Variants in RANBP3 observed in about 807,000 individuals in gnomAD.
RANBP3 encodes RAN binding protein 3.
Under a neutral mutation model 77.3 loss-of-function variants are expected in RANBP3, and 14 were observed. The ratio of observed to expected loss-of-function variants is 0.18; its 90% confidence interval spans 0.12 to 0.28. The LOEUF is 0.28. Among genes scored for constraint, RANBP3 ranks in the 10% least tolerant of loss-of-function variants. The pLI, the probability that RANBP3 is intolerant of heterozygous loss-of-function variation, is 1.00. For synonymous variants in RANBP3, 315 were observed against 312.4 expected (o/e 1.01, Z -0.09); for missense variants, 586 against 752.3 (o/e 0.78, Z 2.59).
rs199789131 is a variant in RANBP3, at chr19:5,957,903, G to A, written c.78+15C>T. 3.7e-6 allele frequency: 6 copies of A among 1,613,666 alleles called. No homozygotes were observed. Among genetic ancestry groups the A allele is most frequent in the South Asian group, 3.3e-5 (3 of 91,038 alleles). On this transcript the variant is annotated intron_variant, in intron 2 of 16. Coordinates refer to ENST00000340578, the MANE Select transcript of RANBP3 (RefSeq NM_007322.3). ...TAGAGTAACGAAGTGAAGAGAGAAC[G>A]TACCGGCCCCTTACCTTTTGTCCTT... is the stretch of plus-strand genomic sequence containing the variant.
chr19:5,931,655 A>G, intron 7 of RANBP3, 124 bp from the exon 8 acceptor site: 1 of 1,017,874 alleles, frequency 9.8e-7, no homozygotes. Context: ...CCCACAGCAC[A>G]TGTCTCCTTT....
In RANBP3 at chr19:5,931,026, G is replaced by C. The variant is rs576471435; in HGVS notation, c.693+378C>G. On this transcript the variant is annotated intron_variant, in intron 8 of 16. Coordinates refer to ENST00000340578, the MANE Select transcript of RANBP3 (RefSeq NM_007322.3). ...CACCCATCAGTGACAGCCGTTCCTCGGGCCCTAGTGACTCCTCAGAGTGCA... is the reference window on the plus strand; with the variant it reads ...CACCCATCAGTGACAGCCGTTCCTCCGGCCCTAGTGACTCCTCAGAGTGCA... Among the ~76,000 whole-genome samples, 3 of 152,240 alleles carry C rather than the reference G, an allele frequency of 2.0e-5. No homozygotes were observed. In the East Asian group the frequency reaches 5.8e-4, roughly 29 times the overall value.
In RANBP3 at chr19:5,921,496, A is replaced by T. The variant is rs73539627; in HGVS notation, c.1210-175T>A. 6.6e-6 allele frequency among the ~76,000 whole-genome samples: 1 copy of T among 152,198 alleles called. No homozygotes were observed. Among genetic ancestry groups the T allele is most frequent in the Non-Finnish European group, 1.5e-5 (1 of 68,034 alleles). On this transcript the variant is annotated intron_variant, in intron 13 of 16. Transcript: ENST00000340578. This position sits in a 1 kb window ranked among gnomAD's most constrained non-coding sequence, Gnocchi z 5.3. ...CAAGCTAGAACAGGCTTTACATTGTATAAGGGGTATCTGAAATTAAAAGAA... is the reference window on the plus strand; with the variant it reads ...CAAGCTAGAACAGGCTTTACATTGTTTAAGGGGTATCTGAAATTAAAAGAA...
intron 5 of RANBP3, among the ~76,000 whole-genome samples, chr19:5,934,956 T>C (rs2058043818): frequency 6.6e-6 from 1 of 152,204 alleles, no homozygotes; most frequent in Non-Finnish European, 1.5e-5. Context: ...GCTGAGCGGT[T>C]ACCAGGGCTC....
chr19:5,940,334 G>A (rs34185207), intron 5 of RANBP3, among the ~76,000 whole-genome samples: 4,130 of 152,280 alleles, frequency 0.027, 61 homozygotes, highest in Non-Finnish European at 0.041. Context: ...AAATCAACGA[G>A]CAGGAAGTGG....
chr19:5,948,866 C>T (rs1438936697), intron 3 of RANBP3, among the ~76,000 whole-genome samples: 4 of 152,180 alleles, frequency 2.6e-5, no homozygotes, highest in Non-Finnish European at 4.4e-5. Context: ...ACCAGGCTCG[C>T]AGTGAGTGCC....
rs779566775 is a variant in RANBP3, at chr19:5,935,751, G to A, written c.407-2272C>T. On this transcript the variant is annotated intron_variant, in intron 5 of 16. Transcript: ENST00000340578. ...CTGCAGACAGACAAGGCGTGCTCCA[G>A]GGGTAGCCAAAATCTGGAGGTCCCT... 1.3e-4 allele frequency: 58 copies of A among 456,784 alleles called. 1 individual carries two copies. Among genetic ancestry groups the A allele is most frequent in the South Asian group, 8.2e-4 (53 of 64,576 alleles). The allele number at this position is 456,784 out of a possible 1,614,324, so 28.3% of individuals were successfully genotyped here. A position where few individuals can be genotyped will look rare whatever the true frequency, so the allele number is the denominator to read the frequency against.
intron 8 of RANBP3, among the ~76,000 whole-genome samples, chr19:5,928,939 C>T (rs1050058926): frequency 6.6e-6 from 1 of 152,092 alleles, no homozygotes; most frequent in Non-Finnish European, 1.5e-5. Context: ...GAGTCTCTGG[C>T]GATGTGTACA....
Position 5,917,904 on chromosome 19 carries a change from T to C in RANBP3, c.1550A>G (p.Gln517Arg). The part of the protein sequence containing the change: ...RILALRSRVE[Q>R]EQEAKMPAPE... ...CGCGGGCATCTTGGCCTCCTGCTCCTGCTCCACGCGGCTGCGCAGGGCCAG... is the reference window on the plus strand; with the variant it reads ...CGCGGGCATCTTGGCCTCCTGCTCCCGCTCCACGCGGCTGCGCAGGGCCAG... Residue 517 changes from glutamine (Q) to arginine (R), a missense_variant, in exon 16 of 17, where the codon CAG becomes CGG. Physicochemically the swap from Gln to Arg is conservative, Grantham distance 43. This residue lies in a region of RANBP3 where 128 missense variants were observed against 157.0 expected (regional missense o/e 0.82). Transcript: ENST00000340578. 6.2e-7 allele frequency: 1 copy of C among 1,613,022 alleles called. No individual in the cohort carries two copies. The highest frequency in any genetic ancestry group is 8.5e-7 in the Non-Finnish European group (1 of 1,179,930).
intron 9 of RANBP3, 156 bp from the exon 10 acceptor site, chr19:5,925,893 G>A (rs1259072389): frequency 1.6e-6 from 1 of 627,434 alleles, no homozygotes; most frequent in Non-Finnish European, 2.9e-6. Flanking sequence ...ATGTGCTGGG[G>A]GGCAGGGCTA....
intron 1 of RANBP3, among the ~76,000 whole-genome samples, chr19:5,964,285 T>G (rs1171744115): frequency 6.6e-6 from 1 of 152,150 alleles, no homozygotes; most frequent in African/African-American, 2.4e-5. Flanking sequence ...TGCCAGATGT[T>G]GGGAACCCCT....
At chr19:5,918,391 C>A in intron 15 of RANBP3, 105 bp downstream of exon 15, 2 of 247,668 alleles carry the variant, frequency 8.1e-6, no homozygotes, top group Non-Finnish European at 1.6e-5. Flanking sequence ...AACTGAAGCC[C>A]CTCCCCCCTC....
rs1275249703 is a variant in RANBP3, at chr19:5,959,444, T to C, written c.23-1471A>G. On this transcript the variant is annotated intron_variant, in intron 1 of 16. Transcript: ENST00000340578. The surrounding 1 kb of genome is among the most constrained non-coding windows in gnomAD (Gnocchi z 5.1). Reference sequence around the variant, plus strand: ...GCCAGGCAGCCCACTGATGGTGACATTCCCCCCACCATGCTCCCCGAAGCC... The same window carrying C: ...GCCAGGCAGCCCACTGATGGTGACACTCCCCCCACCATGCTCCCCGAAGCC... Among the ~76,000 whole-genome samples, 1 of 151,964 alleles carries C rather than the reference T, an allele frequency of 6.6e-6. No individual in the cohort carries two copies. The highest frequency in any genetic ancestry group is 1.5e-5 in the Non-Finnish European group (1 of 67,984).
intron 1 of RANBP3, among the ~76,000 whole-genome samples, chr19:5,965,461 AGACT>A (rs1418233305): frequency 6.6e-6 from 1 of 152,174 alleles, no homozygotes; most frequent in African/African-American, 2.4e-5. Flanking sequence ...TTCTGCCAAG[AGACT>A]GACTGGTGGC....
intron 1 of RANBP3, among the ~76,000 whole-genome samples, chr19:5,966,168 G>T (rs2058465692): frequency 6.6e-6 from 1 of 152,244 alleles, no homozygotes; most frequent in South Asian, 2.1e-4. Context: ...TCCCTTTAGA[G>T]AAATGACAGC....
At position 5,917,794 on chromosome 19, in the gene RANBP3, C is replaced by A; in HGVS notation, c.1660G>T (p.Gly554Cys). ...VLAPSGATAA[G>C]AGDEGDGQTT... ...CCAGGGTAGGGACCACCCGACTCAC[C>A]AGCTGCGGTGGCCCCTGAAGGAGCC... Residue 554 changes from glycine (G) to cysteine (C), a missense_variant and splice_region_variant, in exon 16 of 17, where the codon GGT (glycine) becomes TGT (cysteine). This residue lies in a region of RANBP3 where 128 missense variants were observed against 157.0 expected (regional missense o/e 0.82). Transcript: ENST00000340578. The A allele has an allele frequency of 6.2e-7, 1 of 1,606,930 alleles. No homozygotes were observed. Among genetic ancestry groups the A allele is most frequent in the Non-Finnish European group, 8.5e-7 (1 of 1,176,506 alleles).
intron 5 of RANBP3, chr19:5,933,993 C>T (rs2058031538): frequency 1.3e-5 from 2 of 152,460 alleles, no homozygotes; most frequent in Non-Finnish European, 2.9e-5. Context: ...AGCCTGCCTC[C>T]CCTTTCCAGA....
intron 2 of RANBP3, among the ~76,000 whole-genome samples, chr19:5,954,706 C>T (rs1294386441): frequency 2.6e-5 from 4 of 152,172 alleles, no homozygotes; most frequent in Non-Finnish European, 5.9e-5. Flanking sequence ...TTCTGGAGAG[C>T]AAGACAGGGA....
At chr19:5,942,406 T>C (rs764595982) in intron 3 of RANBP3, among the ~76,000 whole-genome samples, 1 of 152,124 alleles carries the variant, frequency 6.6e-6, no homozygotes, top group Non-Finnish European at 1.5e-5. Context: ...CAAAGCCCAG[T>C]CACAGGCTGA....
Sources: gnomAD v4.1 joint callset for allele counts (sites outside exome capture counted in the v4.1 genomes callset) on GRCh38, gnomAD v4.1.1 for gene constraint, gnomAD v4.1.1 regional missense constraint, Gnocchi (gnomAD v3.1) non-coding constraint, MANE v1.5 for transcripts, NCBI Gene and HGNC (gene_info 2026-07-23, HGNC 2026-07-21) for gene names.